VMP1: variants seen among roughly 807,000 people sequenced by gnomAD.
The protein encoded by VMP1 is ectopic P-granules autophagy protein 3 homolog.
VMP1 carries 11 observed loss-of-function variants against 56.0 expected under a neutral mutation model. The observed-to-expected ratio is 0.20, with a 90% CI of 0.12 to 0.32. The LOEUF is 0.32. VMP1 is among the 10% of genes least tolerant of loss of function. The pLI, the probability that VMP1 is intolerant of heterozygous loss-of-function variation, is 1.00. For synonymous variants in VMP1, 149 were observed against 165.0 expected (o/e 0.90, Z 0.74); for missense variants, 296 against 490.3 (o/e 0.60, Z 3.74).
chr17:59,708,967 T>G (rs1440305226), intron 1 of VMP1, among the ~76,000 whole-genome samples: 1 of 152,238 alleles, frequency 6.6e-6, no homozygotes, highest in East Asian at 1.9e-4. Flanking sequence ...ACTTTTTTCC[T>G]TTGAGGGATA....
chr17:59,736,350 C>T (rs1297710745), intron 3 of VMP1, among the ~76,000 whole-genome samples: 1 of 149,594 alleles, frequency 6.7e-6, no homozygotes, highest in Non-Finnish European at 1.5e-5. Flanking sequence ...TTGCAGTGAA[C>T]CGAGATCATG....
intron 10 of VMP1, among the ~76,000 whole-genome samples, chr17:59,831,207 T>C (rs1486960990): frequency 1.3e-5 from 2 of 152,200 alleles, no homozygotes; most frequent in African/African-American, 4.8e-5. Flanking sequence ...GGTCTTGCTC[T>C]TTCACCAAGG....
chr17:59,777,647 AC>A (rs1246367175), intron 7 of VMP1, among the ~76,000 whole-genome samples: 1 of 152,034 alleles, frequency 6.6e-6, no homozygotes, highest in Admixed American at 6.6e-5. Context: ...CCCCATCTCT[AC>A]TAAAAATATA....
At chr17:59,797,403 C>T (rs2037480211) in intron 7 of VMP1, among the ~76,000 whole-genome samples, 1 of 150,474 alleles carries the variant, frequency 6.6e-6, no homozygotes, top group African/African-American at 2.4e-5. Context: ...GCGGAAGCAA[C>T]CCTAATGTCC....
chr17:59,838,171 T>A, intron 10 of VMP1, 124 bp from the exon 11 acceptor site: 1 of 503,030 alleles, frequency 2.0e-6, no homozygotes, highest in Non-Finnish European at 3.5e-6. Context: ...TTTTATATTT[T>A]ATTCCTCTTC....
intron 10 of VMP1, among the ~76,000 whole-genome samples, chr17:59,824,872 C>CAAA (rs1204824277): frequency 2.5e-4 from 16 of 62,958 alleles, no homozygotes; most frequent in South Asian, 6.4e-4. Context: ...GACTCCGTCT[C>CAAA]AAAAAAAAAA....
chr17:59,809,556 T>G (rs62081788), intron 8 of VMP1, among the ~76,000 whole-genome samples: 15 of 123,388 alleles, frequency 1.2e-4, no homozygotes, highest in African/African-American at 3.3e-4. Flanking sequence ...GCCCAGGCGG[T>G]AGTGCAGTGG....
chr17:59,829,325 A>C (rs1452274915), intron 10 of VMP1, among the ~76,000 whole-genome samples: 1 of 152,206 alleles, frequency 6.6e-6, no homozygotes, highest in Admixed American at 6.5e-5. Context: ...AGTCAGCATG[A>C]TGGCCTTTGG....
Position 59,764,849 on chromosome 17 carries a change from A to G in VMP1, c.415-122A>G, listed in dbSNP as rs554604403. The G allele has an allele frequency of 7.8e-4, 533 of 682,258 alleles. 2 individuals are homozygous for G. Among genetic ancestry groups the G allele is most frequent in the Non-Finnish European group, 1.0e-3 (492 of 469,960 alleles). 42.3% of individuals were successfully genotyped at this position (682,258 alleles called of 1,614,324 possible). A position where few individuals can be genotyped will look rare whatever the true frequency, so the allele number is the denominator to read the frequency against. On this transcript the variant is annotated intron_variant, in intron 5 of 11. Transcript: ENST00000262291. ...TAACTGCATCTTGAAATTATTTAGA[A>G]TTATTTTTGTTCTTTGAAAGCTAAG...
chr17:59,832,108 G>A (rs2038827559), intron 10 of VMP1, among the ~76,000 whole-genome samples: 2 of 149,716 alleles, frequency 1.3e-5, no homozygotes, highest in Non-Finnish European at 3.0e-5. Flanking sequence ...AAAATATGAA[G>A]ATACTACTAC....
At chr17:59,718,410 A>T (rs2034258937) in intron 1 of VMP1, among the ~76,000 whole-genome samples, 1 of 151,370 alleles carries the variant, frequency 6.6e-6, no homozygotes, top group Admixed American at 6.6e-5. Context: ...GTTAGCCAGG[A>T]TGGTCTCAAT....
intron 8 of VMP1, 146 bp downstream of exon 8, chr17:59,809,022 G>C (rs532467276): frequency 1.5e-6 from 1 of 656,648 alleles, no homozygotes; most frequent in Non-Finnish European, 2.5e-6. Flanking sequence ...TTTTTAAGAC[G>C]GAGTCTCCCT....
intron 10 of VMP1, among the ~76,000 whole-genome samples, chr17:59,824,663 A>C (rs2038579748): frequency 6.9e-6 from 1 of 145,952 alleles, no homozygotes; most frequent in South Asian, 2.2e-4. Context: ...ACCTGAGGTC[A>C]GGAGTTCAAG....
intron 10 of VMP1, among the ~76,000 whole-genome samples, chr17:59,831,315 G>A (rs2038798134): frequency 6.6e-6 from 1 of 152,092 alleles, no homozygotes; most frequent in South Asian, 2.1e-4. Flanking sequence ...AGGACTACAG[G>A]CACTTGCCAT....
At chr17:59,819,298 T>A (rs1025906185) in intron 10 of VMP1, among the ~76,000 whole-genome samples, 2 of 152,098 alleles carry the variant, frequency 1.3e-5, no homozygotes, top group South Asian at 2.1e-4. Context: ...GTCCCTTATT[T>A]TTTATTTATT....
intron 11 of VMP1, 154 bp from the exon 12 acceptor site, chr17:59,839,614 A>G (rs888392460): frequency 2.3e-6 from 2 of 869,222 alleles, no homozygotes; most frequent in Non-Finnish European, 3.5e-6. Context: ...AAGGAGAGTA[A>G]TGGAGATTTC....
chr17:59,762,319 GCTGTTTGGGT>G (rs916517566), intron 5 of VMP1, among the ~76,000 whole-genome samples: 84 of 152,162 alleles, frequency 5.5e-4, no homozygotes, highest in African/African-American at 1.9e-3. Context: ...TAATACTATA[GCTGTTTGGGT>G]CTTTACCCTC....
chr17:59,770,390 A>G (rs2036380018), intron 6 of VMP1, among the ~76,000 whole-genome samples: 1 of 152,024 alleles, frequency 6.6e-6, no homozygotes, highest in Non-Finnish European at 1.5e-5. Context: ...CTAATAGTTT[A>G]TATTGTTGTA....
chr17:59,746,109 G>A (rs925096901), intron 5 of VMP1, among the ~76,000 whole-genome samples: 3 of 152,162 alleles, frequency 2.0e-5, no homozygotes, highest in Admixed American at 6.5e-5. Context: ...AGATACCTAC[G>A]TGTTTGGCTT....
Sources: gnomAD v4.1 joint callset for allele counts (sites outside exome capture counted in the v4.1 genomes callset) on GRCh38, gnomAD v4.1.1 for gene constraint, MANE v1.5 for transcripts, NCBI Gene and HGNC (gene_info 2026-07-23, HGNC 2026-07-21) for gene names.